Variants in UMODL1 observed in about 807,000 individuals in gnomAD.
The protein encoded by UMODL1 is uromodulin-like 1.
Under a neutral mutation model 136.3 loss-of-function variants are expected in UMODL1, and 128 were observed. The observed-to-expected ratio is 0.94, with a 90% CI of 0.81 to 1.09. The LOEUF (loss-of-function observed/expected upper bound fraction) is 1.09. UMODL1 is among the 50% of genes least tolerant of loss of function. The probability of loss-of-function intolerance (pLI) is 0.00; values close to 1 mark genes in which losing one functional copy is unlikely to be tolerated. For synonymous variants in UMODL1, 721 were observed against 720.0 expected (o/e 1.00, Z -0.02); for missense variants, 1,766 against 1,725.6 (o/e 1.02, Z -0.41).
intron 6 of UMODL1, among the ~76,000 whole-genome samples, chr21:42,092,916 C>G (rs2066508931): frequency 6.6e-6 from 1 of 152,190 alleles, no homozygotes; most frequent in Non-Finnish European, 1.5e-5. Flanking sequence ...GCATAAGATC[C>G]CAAGGCTGGT....
intron 6 of UMODL1, among the ~76,000 whole-genome samples, chr21:42,090,971 C>T (rs1321460798): frequency 6.6e-6 from 1 of 151,956 alleles, no homozygotes; most frequent in Non-Finnish European, 1.5e-5. Context: ...TTTTTTTCTT[C>T]GAAACGGGAA....
intron 9 of UMODL1, among the ~76,000 whole-genome samples, chr21:42,107,967 C>T (rs1226348437): frequency 2.6e-5 from 4 of 152,348 alleles, no homozygotes; most frequent in Middle Eastern, 3.4e-3. Context: ...TCTGCGCCCT[C>T]GCCTGGCCAG....
chr21:42,086,592 C>T, intron 4 of UMODL1: 1 of 455,426 alleles, frequency 2.2e-6, no homozygotes, highest in South Asian at 1.6e-5. Flanking sequence ...ACTGCCTGGC[C>T]CTAGTGTTGC....
intron 10 of UMODL1, among the ~76,000 whole-genome samples, chr21:42,110,621 C>G (rs939587341): frequency 1.1e-4 from 17 of 152,180 alleles, no homozygotes; most frequent in African/African-American, 3.6e-4. Context: ...TTTGTAGCCC[C>G]CCGGGTGGAT....
rs1761390025 is a variant in UMODL1 at position 42,111,083 on chromosome 21, T to C, written c.1861T>C (p.Tyr621His). The change falls in exon 11 of 23, where the codon TAT becomes CAT. Residue 621 changes from tyrosine to histidine, a missense_variant. Transcript: ENST00000408910. ...AAGAGGGGGCAGCAATGTGGTCGGG[T>C]ATGACAGGAACAACACAGGAAAAGG... ...PRRGGSNVVG[Y>H]DRNNTGKGVE... The C allele has an allele frequency of 1.2e-6, 2 of 1,613,026 alleles. No individual in the cohort carries two copies. Among genetic ancestry groups the C allele is most frequent in the Non-Finnish European group, 1.7e-6 (2 of 1,179,742 alleles).
rs994997371 is a variant in UMODL1, at chr21:42,090,550, C to G, written c.931+112C>G. Reference sequence around the variant, plus strand: ...AGCATTCACCCCGAGATAACTCTGCCATGAAATATCTTGCTTTTATTATTA... The same window carrying G: ...AGCATTCACCCCGAGATAACTCTGCGATGAAATATCTTGCTTTTATTATTA... On this transcript the variant is annotated intron_variant, in intron 6 of 22. Coordinates refer to ENST00000408910, the MANE Select transcript of UMODL1 (RefSeq NM_001004416.3). The G allele has an allele frequency of 4.5e-6, 6 of 1,318,862 alleles. No individual in the cohort carries two copies. The African/African-American group carries it at 7.4e-5, about 16-fold the overall frequency. 81.7% of individuals were successfully genotyped at this position (1,318,862 alleles called of 1,614,324 possible).
chr21:42,086,108 TGCGTGTCCCCAAGGCTGCC>T (rs1329687617), intron 4 of UMODL1, among the ~76,000 whole-genome samples: 2 of 152,164 alleles, frequency 1.3e-5, no homozygotes, highest in East Asian at 1.9e-4. Flanking sequence ...GACAGGGCGC[TGCGTGTCCCCAAGGCTGCC>T]GCGTGTCCCC....
Position 42,084,246 on chromosome 21 carries a change from G to T in UMODL1, c.481+1G>T. 1.2e-6 allele frequency: 2 copies of T among 1,613,026 alleles called. No homozygotes were observed. Among genetic ancestry groups the T allele is most frequent in the Non-Finnish European group, 1.7e-6 (2 of 1,179,816 alleles). ...TACTGCATGGCCCCTGCACCCCAAGGTAGGCTGCTGCGGGCCATGCTTATG... is the reference window on the plus strand; with the variant it reads ...TACTGCATGGCCCCTGCACCCCAAGTTAGGCTGCTGCGGGCCATGCTTATG... On this transcript the variant is annotated splice_donor_variant, in intron 3 of 22. Coordinates refer to ENST00000408910, the MANE Select transcript of UMODL1 (RefSeq NM_001004416.3). LOFTEE classifies it high-confidence loss of function.
rs542874373 is a variant in UMODL1, at chr21:42,127,543, G to C, written c.3531-129G>C. 419 of 1,146,154 alleles carry C rather than the reference G, an allele frequency of 3.7e-4. 3 individuals are homozygous for C. The African/African-American group carries it at 5.8e-3, about 16-fold the overall frequency. 71.0% of individuals were successfully genotyped at this position (1,146,154 alleles called of 1,614,324 possible). ...GTTTTGGGGAACAAATGAGGTGCCC[G>C]GTCCTCGACTTCCACGGAGCCTGTG... On this transcript the variant is annotated intron_variant, in intron 19 of 22. Transcript: ENST00000408910.
chr21:42,096,202 A>G (rs1033607692), intron 6 of UMODL1, among the ~76,000 whole-genome samples: 1 of 152,208 alleles, frequency 6.6e-6, no homozygotes, highest in Non-Finnish European at 1.5e-5. Flanking sequence ...CACTGGAGAA[A>G]GGGCCACACA....
At chr21:42,134,020 C>T (rs1476253700) in intron 21 of UMODL1, among the ~76,000 whole-genome samples, 2 of 152,254 alleles carry the variant, frequency 1.3e-5, no homozygotes, top group African/African-American at 2.4e-5. Flanking sequence ...TAGGTTCAAG[C>T]GATTCTCCTG....
At chr21:42,084,059 C>T in intron 2 of UMODL1, 25 bp from the exon 3 acceptor site, 1 of 1,608,398 alleles carries the variant, frequency 6.2e-7, no homozygotes, top group Admixed American at 1.7e-5. Flanking sequence ...TCGCCAGTAT[C>T]ATTAATTGTA....
Position 42,110,868 on chromosome 21 carries a change from G to A in UMODL1, c.1658-12G>A, listed in dbSNP as rs1272596485. 1.9e-6 allele frequency: 3 copies of A among 1,591,478 alleles called. No homozygotes were observed. The highest frequency in any genetic ancestry group is 2.3e-5 in the East Asian group (1 of 44,250). On this transcript the variant is annotated splice_polypyrimidine_tract_variant and intron_variant, in intron 10 of 22. Transcript: ENST00000408910. Reference sequence around the variant, plus strand: ...GATCCAGCAGGCTCTGACAGTGGATGTGTCTTGGCAGGTGACCTGGTGAGC... The same window carrying A: ...GATCCAGCAGGCTCTGACAGTGGATATGTCTTGGCAGGTGACCTGGTGAGC...
chr21:42,113,619 C>G lies in UMODL1; in HGVS notation c.2151C>G (p.Thr717=), dbSNP rs760339411. Residue 717 remains threonine, a synonymous_variant, in exon 13 of 23, where the codon ACC becomes ACG. Transcript: ENST00000408910. ...TCATGGTCTCCAATGTGACCAGCAC[C>G]GGCTTCCACCTGGCATGGGAGGCGG... ...GRIMVSNVTS[T]GFHLAWEADL... is the part of the protein sequence containing the mutation. 1.2e-6 allele frequency: 2 copies of G among 1,613,966 alleles called. No homozygotes were observed. Among genetic ancestry groups the G allele is most frequent in the South Asian group, 2.2e-5 (2 of 91,086 alleles).
chr21:42,130,809 CTTTTTTT>C lies in UMODL1; in HGVS notation c.3775+1024_3775+1030del, dbSNP rs776779498. Among the ~76,000 whole-genome samples the C allele has an allele frequency of 3.0e-4, 42 of 139,554 alleles. No homozygotes were observed. In the South Asian group the frequency reaches 9.2e-3, roughly 31 times the overall value. The allele number at this position is 139,554 out of a possible 152,430, so 91.6% of individuals were successfully genotyped here. A position where few individuals can be genotyped will look rare whatever the true frequency, so the allele number is the denominator to read the frequency against. Reference sequence around the variant, plus strand: ...AGGCAGGCCTGGGTTCTGACCTCCACTTTTTTTTTTTTTTTTTTGAGACGGAGTTTTT... The same window carrying C: ...AGGCAGGCCTGGGTTCTGACCTCCACTTTTTTTTTTTGAGACGGAGTTTTT... On this transcript the variant is annotated intron_variant, in intron 21 of 22. Coordinates refer to ENST00000408910, the MANE Select transcript of UMODL1 (RefSeq NM_001004416.3).
intron 22 of UMODL1, among the ~76,000 whole-genome samples, chr21:42,140,302 TC>T (rs5844107): frequency 0.085 from 9,460 of 110,802 alleles, 415 homozygotes; most frequent in Middle Eastern, 0.13. Flanking sequence ...GGGATAGACG[TC>T]CCAGGTCACG....
rs181573878 is a variant in UMODL1 at position 42,114,681 on chromosome 21, T to C, written c.2362+851T>C. On this transcript the variant is annotated intron_variant, in intron 13 of 22. Coordinates refer to ENST00000408910, the MANE Select transcript of UMODL1 (RefSeq NM_001004416.3). Reference sequence around the variant, plus strand: ...CTATGTATGTGCTTTAAAGTACTAATCAGCCATGGCCTGAGAAATTAGAGA... The same window carrying C: ...CTATGTATGTGCTTTAAAGTACTAACCAGCCATGGCCTGAGAAATTAGAGA... Among the ~76,000 whole-genome samples the C allele has an allele frequency of 7.5e-4, 114 of 152,388 alleles. 1 individual carries two copies. The highest frequency in any genetic ancestry group is 2.6e-3 in the African/African-American group (109 of 41,594).
At chr21:42,090,200 C>G in intron 5 of UMODL1, 98 bp from the exon 6 acceptor site, 1 of 1,531,588 alleles carries the variant, frequency 6.5e-7, no homozygotes, top group Non-Finnish European at 8.9e-7. Context: ...GGCACAAATC[C>G]GTGGCACGAG....
intron 15 of UMODL1, 69 bp downstream of exon 15, chr21:42,119,393 C>A: frequency 1.4e-6 from 2 of 1,462,492 alleles, no homozygotes; most frequent in Non-Finnish European, 1.9e-6. Flanking sequence ...CAGCCACCAC[C>A]CTTCGCTTTT....
Sources: allele counts gnomAD v4.1 joint callset (sites outside exome capture counted in the v4.1 genomes callset), GRCh38; gene constraint gnomAD v4.1.1; transcripts MANE v1.5; gene names NCBI Gene and HGNC (gene_info 2026-07-23, HGNC 2026-07-21).